The following COL24A1 variants were observed in gnomAD, a reference collection of about 807,000 sequenced individuals.
COL24A1 encodes collagen type XXIV alpha 1 chain, also known as collagen alpha-1(XXIV) chain.
Under a neutral mutation model 253.9 loss-of-function variants are expected in COL24A1, and 224 were observed. The ratio of observed to expected loss-of-function variants is 0.88; its 90% CI spans 0.79 to 0.99. The LOEUF is 0.99. COL24A1 is among the 50% of genes least tolerant of loss of function. COL24A1 has a pLI of 0.00. For synonymous variants in COL24A1, 685 were observed against 673.7 expected (o/e 1.02, Z -0.26); for missense variants, 2,131 against 2,068.5 (o/e 1.03, Z -0.59).
chr1:86,036,908 G>T (rs1333413869), intron 12 of COL24A1, among the ~76,000 whole-genome samples: 1 of 152,050 alleles, frequency 6.6e-6, no homozygotes, highest in African/African-American at 2.4e-5. Flanking sequence ...CGTTGCCAAA[G>T]GACAAAATGG....
chr1:85,788,933 T>C (rs188343316), intron 47 of COL24A1, among the ~76,000 whole-genome samples: 5 of 152,302 alleles, frequency 3.3e-5, no homozygotes, highest in African/African-American at 9.6e-5. Context: ...TCTGTTTTTG[T>C]ATCAGTACCA....
At chr1:86,081,438 A>T (rs1274735839) in intron 7 of COL24A1, among the ~76,000 whole-genome samples, 1 of 152,170 alleles carries the variant, frequency 6.6e-6, no homozygotes, top group Non-Finnish European at 1.5e-5. Context: ...GTAGAATCTT[A>T]AATGTCAGCA....
intron 7 of COL24A1, among the ~76,000 whole-genome samples, chr1:86,087,898 G>A (rs1049462286): frequency 1.3e-5 from 2 of 152,158 alleles, no homozygotes; most frequent in African/African-American, 4.8e-5. Flanking sequence ...CTAGGATGAA[G>A]ACTAGTCTGA....
chr1:85,880,983 T>C (rs941585149), intron 32 of COL24A1, among the ~76,000 whole-genome samples: 13 of 152,242 alleles, frequency 8.5e-5, no homozygotes, highest in Non-Finnish European at 1.8e-4. Context: ...TCTATAGTTT[T>C]CTTGTGATGT....
chr1:85,912,400 A>G (rs181067250), intron 24 of COL24A1, among the ~76,000 whole-genome samples: 2 of 152,312 alleles, frequency 1.3e-5, no homozygotes, highest in East Asian at 1.9e-4. Context: ...CTTGTCTTAA[A>G]TCATAAGCAG....
At chr1:85,834,169 C>G (rs970377225) in intron 43 of COL24A1, among the ~76,000 whole-genome samples, 3 of 151,342 alleles carry the variant, frequency 2.0e-5, no homozygotes, top group Admixed American at 2.0e-4. Context: ...AGAGCCTGAA[C>G]TAAAGTAGGA....
At chr1:86,145,978 A>C (rs1651820272) in intron 2 of COL24A1, 141 bp downstream of exon 2, 2 of 555,474 alleles carry the variant, frequency 3.6e-6, no homozygotes, top group Admixed American at 7.6e-5. Context: ...CTTTAATCTT[A>C]CATTCTCATG....
chr1:86,097,382 CTCTTT>C (rs1703981296), intron 5 of COL24A1, among the ~76,000 whole-genome samples: 1 of 73,828 alleles, frequency 1.4e-5, no homozygotes, highest in Non-Finnish European at 3.8e-5. Flanking sequence ...CTTCTTTCTT[CTCTTT>C]TCTTTCTTCG....
chr1:85,844,403 G>C (rs1487506837), intron 39 of COL24A1, among the ~76,000 whole-genome samples: 1 of 151,986 alleles, frequency 6.6e-6, no homozygotes, highest in Non-Finnish European at 1.5e-5. Context: ...ACGGGAATAT[G>C]GCCAAAGTGG....
Position 85,818,085 on chromosome 1 carries a change from A to T in COL24A1, c.3792T>A (p.Gly1264=). 1 of 1,613,080 alleles carries T rather than the reference A, an allele frequency of 6.2e-7. No individual in the cohort carries two copies. The highest frequency in any genetic ancestry group is 2.2e-5 in the East Asian group (1 of 44,854). ...QGLKGERGSE[G]NKGKKGAPGP... is the part of the protein sequence containing the mutation. ...CAGGAGCTCCTTTTTTCCCCTTATTACCCTAAAGATGGAAAGCACAGTTGT... is the reference window on the plus strand; with the variant it reads ...CAGGAGCTCCTTTTTTCCCCTTATTTCCCTAAAGATGGAAAGCACAGTTGT... The change falls in exon 46 of 60, where the codon GGT becomes GGA. Residue 1264 remains glycine, a splice_region_variant and synonymous_variant. Transcript: ENST00000370571.
In COL24A1 at chr1:86,050,103, AT is replaced by A; in HGVS notation, c.1905+20del. On this transcript the variant is annotated intron_variant, in intron 11 of 59. Coordinates refer to ENST00000370571, the MANE Select transcript of COL24A1 (RefSeq NM_152890.7). ...ACAAGTATATCACTTTAGAAATACT[AT>A]TTGAAGGGAATGGACTTACCCGTTC... 5.6e-6 allele frequency: 9 copies of A among 1,606,384 alleles called. No individual in the cohort carries two copies. The highest frequency in any genetic ancestry group is 1.3e-5 in the African/African-American group (1 of 74,876).
intron 45 of COL24A1, among the ~76,000 whole-genome samples, chr1:85,822,287 T>A (rs1337509860): frequency 1.3e-5 from 2 of 152,148 alleles, no homozygotes; most frequent in Non-Finnish European, 2.9e-5. Context: ...AAAACACAAA[T>A]ATGGGTGAAG....
At position 85,730,397 on chromosome 1, in the gene COL24A1, A is replaced by T; in HGVS notation, c.*149T>A. On this transcript the variant is annotated 3_prime_UTR_variant, in exon 60 of 60. Coordinates refer to ENST00000370571, the MANE Select transcript of COL24A1 (RefSeq NM_152890.7). ...TTTAAAAATGCCTTTTCTCCTTCTT[A>T]GGAGGAAGTCTGTTCTTCCTGAGAT... is the stretch of plus-strand genomic sequence containing the variant. 1.4e-6 allele frequency: 1 copy of T among 726,336 alleles called. No individual in the cohort carries two copies. Among genetic ancestry groups the T allele is most frequent in the East Asian group, 2.8e-5 (1 of 35,948 alleles). 45.0% of individuals were successfully genotyped at this position (726,336 alleles called of 1,614,324 possible).
At chr1:85,957,007 G>A (rs6666627) in intron 24 of COL24A1, among the ~76,000 whole-genome samples, 30,197 of 151,988 alleles carry the variant, frequency 0.2, 3,346 homozygotes, top group Non-Finnish European at 0.24. Context: ...AAAATGTGAC[G>A]CATATACACC....
At chr1:86,129,074 G>T (rs1225690792) in intron 2 of COL24A1, among the ~76,000 whole-genome samples, 1 of 151,694 alleles carries the variant, frequency 6.6e-6, no homozygotes, top group African/African-American at 2.4e-5. Context: ...GATCATGTTG[G>T]CTCTTTCATT....
At chr1:85,756,415 T>A (rs1570470804) in intron 55 of COL24A1, among the ~76,000 whole-genome samples, 1 of 150,888 alleles carries the variant, frequency 6.6e-6, no homozygotes, top group East Asian at 1.9e-4. Context: ...CAAGAGTCTG[T>A]CTCAAAAAAA....
chr1:85,941,366 G>A (rs1032274799), intron 24 of COL24A1, among the ~76,000 whole-genome samples: 7 of 151,898 alleles, frequency 4.6e-5, no homozygotes, highest in Admixed American at 2.0e-4. Flanking sequence ...CTACAAATGA[G>A]GAAAATAGCA....
chr1:85,736,202 A>G (rs1040787023), intron 58 of COL24A1: 8 of 419,766 alleles, frequency 1.9e-5, no homozygotes, highest in Non-Finnish European at 2.4e-5. Flanking sequence ...TTTATTCCCT[A>G]GGTTCATAGA....
chr1:85,943,319 G>A (rs553957900), intron 24 of COL24A1, among the ~76,000 whole-genome samples: 2 of 152,260 alleles, frequency 1.3e-5, no homozygotes, highest in South Asian at 4.2e-4. Context: ...GTTTGCAGAT[G>A]GCCTATTGTG....
Sources: gnomAD v4.1 joint callset for allele counts (sites outside exome capture counted in the v4.1 genomes callset) on GRCh38, gnomAD v4.1.1 for gene constraint, MANE v1.5 for transcripts, NCBI Gene and HGNC (gene_info 2026-07-23, HGNC 2026-07-21) for gene names.